Variants in PITRM1 observed in about 807,000 individuals in gnomAD.
The protein encoded by PITRM1 is pitrilysin metallopeptidase 1.
In PITRM1, 100 loss-of-function variants were observed where a neutral mutation model predicts 129.9. The observed-to-expected ratio is 0.77, with a 90% CI of 0.65 to 0.91. PITRM1 has a LOEUF of 0.91. Among genes scored for constraint, PITRM1 ranks in the 40% least tolerant of loss-of-function variants. PITRM1 has a pLI of 0.00. For synonymous variants in PITRM1, 591 were observed against 508.8 expected, an observed-to-expected ratio of 1.16 and a Z score of -2.17; for missense variants, 1,471 against 1,318.3, an observed-to-expected ratio of 1.12 and a Z score of -1.79.
At chr10:3,164,940 T>C (rs922948764) in intron 6 of PITRM1, among the ~76,000 whole-genome samples, 2 of 152,154 alleles carry the variant, frequency 1.3e-5, no homozygotes, top group African/African-American at 4.8e-5. Flanking sequence ...ACCGTGTACT[T>C]GGGCAAGAAT....
Position 3,147,205 on chromosome 10 carries a change from T to C in PITRM1, c.2281A>G (p.Ile761Val). ...TTGATACGCGGGAGCTTCCTCAGGA[T>C]GGGTTTGATATCTGTCATTTCTGCA... is the stretch of plus-strand genomic sequence containing the variant. ...RIAEMTDIKP[I>V]LRKLPRIKKH... Residue 761 changes from isoleucine to valine, a missense_variant, in exon 20 of 27, where the codon ATC becomes GTC. Transcript: ENST00000224949. 1.9e-6 allele frequency: 3 copies of C among 1,612,868 alleles called. No individual in the cohort carries two copies. Among genetic ancestry groups the C allele is most frequent in the African/African-American group, 1.3e-5 (1 of 75,042 alleles).
intron 19 of PITRM1, 84 bp downstream of exon 19, chr10:3,147,488 A>T (rs1356841153): frequency 1.6e-5 from 23 of 1,413,958 alleles, no homozygotes; most frequent in Admixed American, 3.4e-5. Context: ...TCTGGGACAT[A>T]AATTAATGTA....
intron 24 of PITRM1, among the ~76,000 whole-genome samples, chr10:3,140,293 C>T (rs1840052718): frequency 6.6e-6 from 1 of 152,196 alleles, no homozygotes; most frequent in South Asian, 2.1e-4. Context: ...CAGCTTTCAT[C>T]CCACTGCTTA....
Position 3,151,322 on chromosome 10 carries a change from A to G in PITRM1, c.1663T>C (p.Ser555Pro), listed in dbSNP as rs1316550385. 3 of 1,611,110 alleles carry G rather than the reference A, an allele frequency of 1.9e-6. No homozygotes were observed. The highest frequency in any genetic ancestry group is 2.5e-6 in the Non-Finnish European group (3 of 1,178,694). Reference protein sequence around the residue: ...RSQQSKPQDASCLPALKVSDI... With the variant: ...RSQQSKPQDAPCLPALKVSDI... ...GAAACTTTCAACGCTGGCAGACAAG[A>G]GGCATCTTGAGGTTTGCTTTGTTGA... Residue 555 changes from serine to proline, a missense_variant, in exon 15 of 27, where the codon TCT (serine) becomes CCT (proline). Ser to Pro is a moderately conservative substitution (Grantham distance 74, BLOSUM62 -1). Coordinates refer to ENST00000224949, the MANE Select transcript of PITRM1 (RefSeq NM_014889.4).
intron 9 of PITRM1, among the ~76,000 whole-genome samples, chr10:3,159,442 G>A (rs1007255350): frequency 2.0e-5 from 3 of 152,148 alleles, no homozygotes; most frequent in South Asian, 2.1e-4. Flanking sequence ...GCATGGTTCC[G>A]ACCTAGTCTC....
At chr10:3,138,362 T>C (rs1473315529) in intron 25 of PITRM1, 25 bp from the exon 26 acceptor site, 11 of 1,534,488 alleles carry the variant, frequency 7.2e-6, no homozygotes, top group Non-Finnish European at 8.1e-6. Flanking sequence ...ACAGGCACGA[T>C]GGAGCCGCTG....
intron 9 of PITRM1, 140 bp from the exon 10 acceptor site, chr10:3,159,182 G>C: frequency 1.3e-6 from 1 of 795,640 alleles, no homozygotes; most frequent in Non-Finnish European, 2.0e-6. Flanking sequence ...TTTATGAGCA[G>C]AAGAGAATTT....
chr10:3,141,735 T>C (rs1432446311), intron 23 of PITRM1: 2 of 457,434 alleles, frequency 4.4e-6, no homozygotes, highest in South Asian at 1.6e-5. Context: ...GACAGGCCTT[T>C]TCCTAAAGTG....
rs770356060 is a variant in PITRM1 at position 3,149,740 on chromosome 10, A to G, written c.1752T>C (p.Pro584=). ...TGGTGGGCTGGGCGCAGTACTGAAC[A>G]GGGATATCTCCAGCTAGAAAAACAA... is the stretch of plus-strand genomic sequence containing the variant. The part of the protein sequence containing the change: ...LDVVLTAGDI[P]VQYCAQPTNG... Residue 584 remains proline, a synonymous_variant, in exon 16 of 27, where the codon CCT becomes CCC. Coordinates refer to ENST00000224949, the MANE Select transcript of PITRM1 (RefSeq NM_014889.4). The G allele has an allele frequency of 1.2e-6, 2 of 1,613,822 alleles. No homozygotes were observed. Among genetic ancestry groups the G allele is most frequent in the South Asian group, 2.2e-5 (2 of 91,032 alleles).
intron 25 of PITRM1, 96 bp from the exon 26 acceptor site, chr10:3,138,433 T>G: frequency 1.2e-6 from 1 of 811,262 alleles, no homozygotes; most frequent in Non-Finnish European, 2.1e-6. Flanking sequence ...GGCATCTCAC[T>G]GTCATTTCAC....
At chr10:3,162,759 T>C (rs988963185) in intron 7 of PITRM1, among the ~76,000 whole-genome samples, 1 of 152,182 alleles carries the variant, frequency 6.6e-6, no homozygotes, top group Non-Finnish European at 1.5e-5. Context: ...CCAGGCCACC[T>C]GGAAAGTGAG....
chr10:3,157,963 G>T, intron 11 of PITRM1, 77 bp downstream of exon 11: 1 of 863,596 alleles, frequency 1.2e-6, no homozygotes, highest in Non-Finnish European at 2.0e-6. Flanking sequence ...CGAAACAATG[G>T]ATCAGGCTCA....
intron 7 of PITRM1, among the ~76,000 whole-genome samples, chr10:3,161,856 A>G (rs1016630566): frequency 1.4e-5 from 2 of 142,820 alleles, no homozygotes; most frequent in African/African-American, 4.9e-5. Flanking sequence ...CTGGGGAAAA[A>G]AAAAAAAAAG....
At position 3,160,321 on chromosome 10, in the gene PITRM1, C is replaced by G; in HGVS notation, c.801G>C (p.Thr267=). 1.2e-6 allele frequency: 2 copies of G among 1,610,064 alleles called. No homozygotes were observed. Among genetic ancestry groups the G allele is most frequent in the African/African-American group, 1.3e-5 (1 of 74,958 alleles). Residue 267 remains threonine, a synonymous_variant, in exon 8 of 27, where the codon ACG becomes ACC. Coordinates refer to ENST00000224949, the MANE Select transcript of PITRM1 (RefSeq NM_014889.4). Reference sequence around the variant, plus strand: ...GCTGTTCTAATGGAAAATTACCGTACGTGAAGAACCTAAAATTTTAAGGGA... The same window carrying G: ...GCTGTTCTAATGGAAAATTACCGTAGGTGAAGAACCTAAAATTTTAAGGGA... The part of the protein sequence containing the change: ...HYHPSNARFF[T]YGNFPLEQHL...
chr10:3,161,973 C>A (rs1053026126), intron 7 of PITRM1, among the ~76,000 whole-genome samples: 2 of 151,812 alleles, frequency 1.3e-5, no homozygotes, highest in African/African-American at 2.4e-5. Flanking sequence ...AAGTTCAAGA[C>A]CAGCCTGGGC....
chr10:3,149,490 T>C, intron 16 of PITRM1, 131 bp downstream of exon 16: 1 of 908,214 alleles, frequency 1.1e-6, no homozygotes, highest in Non-Finnish European at 1.6e-6. Context: ...CAATATATTG[T>C]ACACCATACT....
intron 21 of PITRM1, 152 bp downstream of exon 21, chr10:3,145,444 C>T: frequency 3.0e-6 from 2 of 661,126 alleles, no homozygotes; most frequent in Admixed American, 5.8e-5. Context: ...GATACTTAAT[C>T]CTCCTGAACC....
At chr10:3,163,219 C>A (rs1240077220) in intron 7 of PITRM1, 1 of 151,994 alleles carries the variant, frequency 6.6e-6, no homozygotes, top group African/African-American at 2.4e-5. Context: ...TATGTAAATA[C>A]AATTAGTGTT....
intron 9 of PITRM1, 69 bp from the exon 10 acceptor site, chr10:3,159,111 C>T (rs1460636522): frequency 2.2e-6 from 3 of 1,345,494 alleles, no homozygotes; most frequent in Non-Finnish European, 3.0e-6. Context: ...CCCTTATGCA[C>T]ATTTTATTTA....
Sources: allele counts gnomAD v4.1 joint callset (sites outside exome capture counted in the v4.1 genomes callset), GRCh38; gene constraint gnomAD v4.1.1; transcripts MANE v1.5; gene names NCBI Gene and HGNC (gene_info 2026-07-23, HGNC 2026-07-21).